QRFPR: variants seen among roughly 807,000 people sequenced by gnomAD.
QRFPR encodes the protein pyroglutamylated RFamide peptide receptor, also known as pyroglutamylated RF-amide peptide receptor.
In QRFPR, 37 loss-of-function variants were observed where a neutral mutation model predicts 31.3. That is an observed-to-expected ratio of 1.18 (90% CI 0.91 to 1.56). The LOEUF is 1.56. Ranked by LOEUF, QRFPR falls within the 40% of genes most tolerant of loss-of-function variation. The probability of loss-of-function intolerance (pLI) is 0.00; values close to 1 mark genes in which losing one functional copy is unlikely to be tolerated. For synonymous variants in QRFPR, 197 were observed against 192.0 expected, an observed-to-expected ratio of 1.03 and a Z score of -0.22; for missense variants, 542 against 532.5, an observed-to-expected ratio of 1.02 and a Z score of -0.18.
chr4:121,374,994 G>A (rs1001906251), intron 1 of QRFPR, among the ~76,000 whole-genome samples: 3 of 152,028 alleles, frequency 2.0e-5, no homozygotes, highest in South Asian at 2.1e-4. Context: ...TGGCTGTGCC[G>A]GAATCCACAG....
intron 2 of QRFPR, among the ~76,000 whole-genome samples, chr4:121,337,185 G>A (rs1177244529): frequency 6.6e-6 from 1 of 152,050 alleles, no homozygotes; most frequent in African/African-American, 2.4e-5. Context: ...TTCTGTCCAT[G>A]CTCTTCACAC....
chr4:121,377,547 C>T (rs1408050442), intron 1 of QRFPR, among the ~76,000 whole-genome samples: 1 of 152,004 alleles, frequency 6.6e-6, no homozygotes, highest in Non-Finnish European at 1.5e-5. Flanking sequence ...TTCCCTCCAA[C>T]TTGGCACTGA....
intron 1 of QRFPR, chr4:121,370,348 A>G (rs539547958): frequency 5.3e-6 from 4 of 751,776 alleles, no homozygotes; most frequent in South Asian, 4.0e-5. Context: ...GAAGCCATTG[A>G]AAGGCTGAGA....
At chr4:121,338,802 C>T (rs1484159345) in intron 2 of QRFPR, among the ~76,000 whole-genome samples, 1 of 152,202 alleles carries the variant, frequency 6.6e-6, no homozygotes, top group Non-Finnish European at 1.5e-5. Context: ...TCCTATGTCT[C>T]TTTTGAGTAG....
rs561968903 is a variant in QRFPR at position 121,332,758 on chromosome 4, C to A, written c.797+63G>T. On this transcript the variant is annotated intron_variant, in intron 4 of 5. Coordinates refer to ENST00000394427, the MANE Select transcript of QRFPR (RefSeq NM_198179.3). ...CTAGAGGTTCTGAGAGCCCTGGCAA[C>A]CATCCCTTCCAGCACAATTAATTAA... 3.1e-5 allele frequency: 40 copies of A among 1,292,190 alleles called. No individual in the cohort carries two copies. The East Asian group carries it at 9.3e-4, about 30-fold the overall frequency. The allele number at this position is 1,292,190 out of a possible 1,614,324, so 80.0% of individuals were successfully genotyped here.
At position 121,369,912 on chromosome 4, in the gene QRFPR, G is replaced by A. The variant is rs1468718797; in HGVS notation, c.340+10396C>T. Reference sequence around the variant, plus strand: ...TTGTGGAGTGCTTCTGCTACTCTAAGGTACTTGGTCTTCTGAGTGGTGACA... The same window carrying A: ...TTGTGGAGTGCTTCTGCTACTCTAAAGTACTTGGTCTTCTGAGTGGTGACA... On this transcript the variant is annotated intron_variant, in intron 1 of 5. Coordinates refer to ENST00000394427, the MANE Select transcript of QRFPR (RefSeq NM_198179.3). 4 of 779,312 alleles carry A rather than the reference G, an allele frequency of 5.1e-6. No individual in the cohort carries two copies. In the East Asian group the frequency reaches 9.7e-5, roughly 19 times the overall value. The allele number at this position is 779,312 out of a possible 1,614,324, so 48.3% of individuals were successfully genotyped here.
chr4:121,359,703 A>ATG (rs200247363), intron 1 of QRFPR, among the ~76,000 whole-genome samples: 6 of 148,680 alleles, frequency 4.0e-5, no homozygotes, highest in East Asian at 2.0e-4. Flanking sequence ...ATATGTGTGT[A>ATG]TGTGTGTGTG....
chr4:121,346,294 G>A (rs554053394), intron 1 of QRFPR, among the ~76,000 whole-genome samples: 10 of 152,254 alleles, frequency 6.6e-5, no homozygotes, highest in African/African-American at 1.7e-4. Context: ...ACAGACCTGG[G>A]GGTGGAGCTC....
At chr4:121,345,544 A>G (rs1725628218) in intron 1 of QRFPR, among the ~76,000 whole-genome samples, 1 of 152,210 alleles carries the variant, frequency 6.6e-6, no homozygotes, top group Admixed American at 6.5e-5. Flanking sequence ...TGTACTGTTA[A>G]CTATAAGATT....
At chr4:121,374,601 C>A (rs1055297942) in intron 1 of QRFPR, among the ~76,000 whole-genome samples, 1 of 152,124 alleles carries the variant, frequency 6.6e-6, no homozygotes, top group Non-Finnish European at 1.5e-5. Flanking sequence ...AAACTCCATA[C>A]CAATTATAAT....
chr4:121,363,958 C>A (rs1726037417), intron 1 of QRFPR, among the ~76,000 whole-genome samples: 1 of 149,668 alleles, frequency 6.7e-6, no homozygotes, highest in Non-Finnish European at 1.5e-5. Context: ...GAAAAGCCTG[C>A]ACTGGAGTGG....
rs781439706 is a variant in QRFPR, at chr4:121,330,451, A to T, written c.870T>A (p.His290Gln). The change falls in exon 5 of 6, where the codon CAT becomes CAA. Residue 290 changes from histidine (H) to glutamine (Q), a missense_variant. His to Gln is a conservative substitution (Grantham distance 24). Transcript: ENST00000394427. ...TGTATTCAATCATCATATGGACAACATGGAATGGTGCCCAGCACACAGCAA... is the reference window on the plus strand; with the variant it reads ...TGTATTCAATCATCATATGGACAACTTGGAATGGTGCCCAGCACACAGCAA... ...ALFAVCWAPF[H>Q]VVHMMIEYSN... 1.9e-6 allele frequency: 3 copies of T among 1,613,262 alleles called. No individual in the cohort carries two copies. The highest frequency in any genetic ancestry group is 1.1e-5 in the South Asian group (1 of 91,050).
chr4:121,349,975 G>A (rs752132462), intron 1 of QRFPR, among the ~76,000 whole-genome samples: 2 of 152,112 alleles, frequency 1.3e-5, no homozygotes, highest in South Asian at 2.1e-4. Context: ...GGGATGATCC[G>A]TTACTCCTGA....
chr4:121,352,368 A>G (rs1231988248), intron 1 of QRFPR, among the ~76,000 whole-genome samples: 1 of 152,072 alleles, frequency 6.6e-6, no homozygotes, highest in Non-Finnish European at 1.5e-5. Flanking sequence ...CACTTTGGCA[A>G]ATAAGATGAC....
chr4:121,380,203 G>GAGAGAGAGAGAGAGAGAGAA (rs1726453881), intron 1 of QRFPR, 105 bp downstream of exon 1: 14 of 264,444 alleles, frequency 5.3e-5, no homozygotes, highest in Non-Finnish European at 6.3e-5. Flanking sequence ...GAGAGAGAGA[G>GAGAGAGAGAGAGAGAGAGAA]AGAGAGAGAG....
chr4:121,376,368 T>C (rs753301983), intron 1 of QRFPR, among the ~76,000 whole-genome samples: 20 of 152,188 alleles, frequency 1.3e-4, no homozygotes, highest in Non-Finnish European at 2.6e-4. Context: ...TGGGCACACT[T>C]AGATGCTGTG....
chr4:121,365,552 T>A (rs1260805326), intron 1 of QRFPR, among the ~76,000 whole-genome samples: 215 of 4,310 alleles, frequency 0.05, 13 homozygotes, highest in Non-Finnish European at 0.06. Flanking sequence ...TTATATATAA[T>A]ATATAATATA....
chr4:121,348,706 C>A (rs914724677), intron 1 of QRFPR, among the ~76,000 whole-genome samples: 1 of 152,122 alleles, frequency 6.6e-6, no homozygotes, highest in African/African-American at 2.4e-5. Context: ...ACATCATCTG[C>A]CTTTAGAATG....
At chr4:121,358,286 A>G (rs73845777) in intron 1 of QRFPR, among the ~76,000 whole-genome samples, 3,060 of 152,264 alleles carry the variant, frequency 0.02, 123 homozygotes, top group African/African-American at 0.07. Context: ...GCAGCTCTCC[A>G]AGTTAAAAAG....
Sources: allele counts gnomAD v4.1 joint callset (sites outside exome capture counted in the v4.1 genomes callset), GRCh38; gene constraint gnomAD v4.1.1; transcripts MANE v1.5; gene names NCBI Gene and HGNC (gene_info 2026-07-23, HGNC 2026-07-21).